The following CPA6 variants were observed in gnomAD, a reference collection of about 807,000 sequenced individuals.
CPA6 encodes the protein carboxypeptidase B.
Under a neutral mutation model 63.3 loss-of-function variants are expected in CPA6, and 58 were observed. That is an observed-to-expected ratio of 0.92 (90% CI 0.74 to 1.14). The LOEUF (loss-of-function observed/expected upper bound fraction) is 1.14. Ranked by LOEUF, CPA6 falls within the 50% of genes most tolerant of loss-of-function variation. The pLI, the probability that CPA6 is intolerant of heterozygous loss-of-function variation, is 0.00. For synonymous variants in CPA6, 185 were observed against 179.0 expected (o/e 1.03, Z -0.27); for missense variants, 565 against 526.6 (o/e 1.07, Z -0.71).
At chr8:67,668,148 A>G (rs1403698190) in intron 1 of CPA6, among the ~76,000 whole-genome samples, 1 of 152,248 alleles carries the variant, frequency 6.6e-6, no homozygotes, top group Admixed American at 6.5e-5. Context: ...GCTTTGCTCA[A>G]CATGCTTTGC....
At chr8:67,728,387 G>C (rs1413961144) in intron 1 of CPA6, among the ~76,000 whole-genome samples, 2 of 151,976 alleles carry the variant, frequency 1.3e-5, no homozygotes, top group African/African-American at 4.8e-5. Context: ...CCTTCAGAGG[G>C]GGAGTGAGAA....
intron 1 of CPA6, among the ~76,000 whole-genome samples, chr8:67,734,363 A>G (rs1362642815): frequency 1.3e-5 from 2 of 151,466 alleles, no homozygotes; most frequent in African/African-American, 4.9e-5. Context: ...AAAAAAAAAG[A>G]AAACCCTTAT....
chr8:67,674,088 C>T (rs1212794101), intron 1 of CPA6, among the ~76,000 whole-genome samples: 1 of 152,152 alleles, frequency 6.6e-6, no homozygotes. Context: ...CTCCATTCTA[C>T]AGTTGTGAAA....
At chr8:67,631,076 C>T (rs981215881) in intron 1 of CPA6, among the ~76,000 whole-genome samples, 7 of 152,234 alleles carry the variant, frequency 4.6e-5, no homozygotes, top group African/African-American at 1.2e-4. Flanking sequence ...CTGGTCCCAT[C>T]GACCACCCAA....
intron 1 of CPA6, among the ~76,000 whole-genome samples, chr8:67,631,816 C>G (rs371304870): frequency 1.3e-5 from 2 of 152,168 alleles, no homozygotes; most frequent in Non-Finnish European, 2.9e-5. Context: ...ATGAACCCAC[C>G]GGGAGGAATG....
Position 67,660,322 on chromosome 8 carries a change from G to GTTTTTTTTTTTTTTT in CPA6, c.117-36086_117-36072dup, listed in dbSNP as rs869189030. Reference sequence around the variant, plus strand: ...ACATGGTAAAAGTTAATTATTGCAGGTTTTTTTTTTTTTTTTTTTTTTTTT... The same window carrying GTTTTTTTTTTTTTTT: ...ACATGGTAAAAGTTAATTATTGCAGGTTTTTTTTTTTTTTTTTTTTTTTTTTTTTTTTTTTTTTTT... On this transcript the variant is annotated intron_variant, in intron 1 of 10. Coordinates refer to ENST00000297770, the MANE Select transcript of CPA6 (RefSeq NM_020361.5). Among the ~76,000 whole-genome samples the GTTTTTTTTTTTTTTT allele has an allele frequency of 4.1e-5, 3 of 73,906 alleles. 1 individual carries two copies. The highest frequency in any genetic ancestry group is 1.9e-4 in the African/African-American group (3 of 15,778). The allele number at this position is 73,906 out of a possible 152,430, so 48.5% of individuals were successfully genotyped here. A position where few individuals can be genotyped will look rare whatever the true frequency, so the allele number is the denominator to read the frequency against.
chr8:67,465,915 CT>C (rs1587456416), intron 8 of CPA6, among the ~76,000 whole-genome samples: 1 of 152,066 alleles, frequency 6.6e-6, no homozygotes, highest in East Asian at 1.9e-4. Flanking sequence ...CTGTAGTTTT[CT>C]TTTTTCATTG....
intron 1 of CPA6, among the ~76,000 whole-genome samples, chr8:67,670,313 G>C (rs1017049096): frequency 1.5e-4 from 23 of 152,158 alleles, no homozygotes; most frequent in Non-Finnish European, 3.1e-4. Flanking sequence ...CCTGGCCAGA[G>C]CAGGAGGCGG....
intron 1 of CPA6, among the ~76,000 whole-genome samples, chr8:67,649,909 A>G (rs964970126): frequency 3.9e-5 from 6 of 152,240 alleles, no homozygotes; most frequent in Non-Finnish European, 8.8e-5. Context: ...CAAGCAGCCC[A>G]TGGAGAAGTA....
rs532402275 is a variant in CPA6, at chr8:67,432,388, G to A, written c.1041+1650C>T. On this transcript the variant is annotated intron_variant, in intron 9 of 10. Coordinates refer to ENST00000297770, the MANE Select transcript of CPA6 (RefSeq NM_020361.5). ...AGGTTGATGCACCCAGAGAACGCAC[G>A]GAAGCCCTGAGCCCCTTCCCCCATA... Among the ~76,000 whole-genome samples, 5 of 152,238 alleles carry A rather than the reference G, an allele frequency of 3.3e-5. No homozygotes were observed. The South Asian group carries it at 6.2e-4, about 19-fold the overall frequency.
At chr8:67,521,290 C>T (rs1254919493) in intron 2 of CPA6, among the ~76,000 whole-genome samples, 1 of 152,228 alleles carries the variant, frequency 6.6e-6, no homozygotes, top group Non-Finnish European at 1.5e-5. Flanking sequence ...ATTTAAGAGG[C>T]CAAGGTATTT....
At chr8:67,739,811 G>A (rs978832323) in intron 1 of CPA6, among the ~76,000 whole-genome samples, 2 of 152,176 alleles carry the variant, frequency 1.3e-5, no homozygotes, top group African/African-American at 4.8e-5. Context: ...GAGCAAGGGA[G>A]TGATATGATA....
chr8:67,518,851 C>T (rs1812203825), intron 2 of CPA6, among the ~76,000 whole-genome samples: 1 of 152,096 alleles, frequency 6.6e-6, no homozygotes, highest in South Asian at 2.1e-4. Flanking sequence ...TCCTCCAACA[C>T]ATGCCTTTCT....
intron 2 of CPA6, among the ~76,000 whole-genome samples, chr8:67,557,921 T>C (rs988340336): frequency 2.6e-5 from 4 of 152,092 alleles, no homozygotes; most frequent in Non-Finnish European, 4.4e-5. Context: ...GGCAAGAGTG[T>C]TTAGATCACA....
chr8:67,540,307 C>A (rs1324029948), intron 2 of CPA6, among the ~76,000 whole-genome samples: 1 of 152,042 alleles, frequency 6.6e-6, no homozygotes, highest in Non-Finnish European at 1.5e-5. Flanking sequence ...CACTCCAGAC[C>A]CTGTTTCTCT....
intron 2 of CPA6, among the ~76,000 whole-genome samples, chr8:67,594,442 T>C (rs1432061635): frequency 1.3e-5 from 2 of 152,196 alleles, no homozygotes; most frequent in African/African-American, 2.4e-5. Context: ...CCTTGCTAGA[T>C]TGGGGAAGTT....
intron 1 of CPA6, among the ~76,000 whole-genome samples, chr8:67,724,956 G>T (rs1227497842): frequency 2.0e-5 from 3 of 152,156 alleles, no homozygotes; most frequent in Non-Finnish European, 4.4e-5. Flanking sequence ...AGCATTCTGT[G>T]TTAACAAGTT....
chr8:67,666,510 C>T (rs968055375), intron 1 of CPA6, among the ~76,000 whole-genome samples: 2 of 152,126 alleles, frequency 1.3e-5, no homozygotes, highest in Admixed American at 6.5e-5. Context: ...GAACTTACAG[C>T]CCTGGAACCC....
intron 8 of CPA6, among the ~76,000 whole-genome samples, chr8:67,467,738 T>C (rs67295106): frequency 0.48 from 72,339 of 151,874 alleles, 19,041 homozygotes; most frequent in African/African-American, 0.73. Context: ...CACGGCGGCT[T>C]ATGCCTGTAA....
Sources: gnomAD v4.1 joint callset for allele counts (sites outside exome capture counted in the v4.1 genomes callset) on GRCh38, gnomAD v4.1.1 for gene constraint, MANE v1.5 for transcripts, NCBI Gene and HGNC (gene_info 2026-07-23, HGNC 2026-07-21) for gene names.